The following COL15A1 variants were observed in gnomAD, a reference collection of about 807,000 sequenced individuals.
COL15A1 encodes collagen type XV alpha 1 chain, also known as collagen alpha-1(XV) chain.
Under a neutral mutation model 165.9 loss-of-function variants are expected in COL15A1, and 111 were observed. That is an observed-to-expected ratio of 0.67 (90% CI 0.57 to 0.78). COL15A1 has a LOEUF of 0.78. Among genes scored for constraint, COL15A1 ranks in the 30% least tolerant of loss-of-function variants. The probability of loss-of-function intolerance (pLI) is 0.00; values close to 1 mark genes in which losing one functional copy is unlikely to be tolerated. For synonymous variants in COL15A1, 659 were observed against 674.8 expected (o/e 0.98, Z 0.36); for missense variants, 1,745 against 1,789.7 (o/e 0.98, Z 0.45).
chr9:98,985,922 C>T lies in COL15A1; in HGVS notation c.458C>T (p.Ser153Leu), dbSNP rs374938012. 6.2e-6 allele frequency: 10 copies of T among 1,613,842 alleles called. No homozygotes were observed. The highest frequency in any genetic ancestry group is 1.7e-5 in the Admixed American group (1 of 60,006). ...GTGTCCCAAGAGGCTGCTGCCTTCT[C>T]GGTGCCTGTGATGACCCACAGGTGG... ...SHVSQEAAAF[S>L]VPVMTHRWNR... The change falls in exon 3 of 42, where the codon TCG (serine) becomes TTG (leucine). Residue 153 changes from serine to leucine, a missense_variant. Ser to Leu is a moderately radical substitution (Grantham distance 145, BLOSUM62 -2). Transcript: ENST00000375001.
chr9:99,004,463 A>G (rs1398885775), intron 8 of COL15A1, among the ~76,000 whole-genome samples: 2 of 152,184 alleles, frequency 1.3e-5, no homozygotes, highest in Non-Finnish European at 2.9e-5. Flanking sequence ...TGGAAGCCAG[A>G]TGGCACTGGG....
chr9:99,023,234 G>A, intron 13 of COL15A1, 123 bp from the exon 14 acceptor site: 2 of 1,234,420 alleles, frequency 1.6e-6, no homozygotes, highest in Non-Finnish European at 2.2e-6. Flanking sequence ...AAAACGGGGA[G>A]CAGAAGTTAT....
At chr9:99,067,486 G>A (rs1402181369) in intron 40 of COL15A1, among the ~76,000 whole-genome samples, 1 of 152,144 alleles carries the variant, frequency 6.6e-6, no homozygotes, top group Non-Finnish European at 1.5e-5. Context: ...GGTGTTCTGT[G>A]CCCATTTAAG....
At chr9:99,005,277 G>C (rs1402762033) in intron 9 of COL15A1, among the ~76,000 whole-genome samples, 1 of 152,122 alleles carries the variant, frequency 6.6e-6, no homozygotes, top group Non-Finnish European at 1.5e-5. Flanking sequence ...TGCAGAGGTG[G>C]GGTTTGTCCC....
intron 24 of COL15A1, among the ~76,000 whole-genome samples, chr9:99,042,573 C>T (rs563940992): frequency 6.6e-6 from 1 of 152,338 alleles, no homozygotes; most frequent in South Asian, 2.1e-4. Flanking sequence ...GCTTCTTTTC[C>T]ATAGCTCCAA....
chr9:99,018,592 A>G (rs1838974318), intron 11 of COL15A1, among the ~76,000 whole-genome samples: 1 of 152,252 alleles, frequency 6.6e-6, no homozygotes, highest in African/African-American at 2.4e-5. Flanking sequence ...AGTGTTGTCC[A>G]TAATAGAGAA....
At position 98,987,775 on chromosome 9, in the gene COL15A1, GA is replaced by G. The variant is rs577985344; in HGVS notation, c.723+415del. Among the ~76,000 whole-genome samples the G allele has an allele frequency of 2.4e-4, 36 of 152,082 alleles. 1 individual carries two copies. In the South Asian group the frequency reaches 6.6e-3, roughly 28 times the overall value. On this transcript the variant is annotated intron_variant, in intron 4 of 41. Coordinates refer to ENST00000375001, the MANE Select transcript of COL15A1 (RefSeq NM_001855.5). ...AAGCTGGGGATGGAGTGGTGGGCAG[GA>G]AAAAAAAGATGACTCCTTCTTCCCT...
At chr9:99,049,978 C>T in intron 30 of COL15A1, 83 bp downstream of exon 30, 2 of 1,576,446 alleles carry the variant, frequency 1.3e-6, no homozygotes, top group Non-Finnish European at 1.7e-6. Flanking sequence ...GTCTTGGGCC[C>T]TTTCTATCCT....
chr9:99,039,521 CA>C (rs918099486), intron 22 of COL15A1, among the ~76,000 whole-genome samples: 3 of 151,986 alleles, frequency 2.0e-5, no homozygotes, highest in South Asian at 2.1e-4. Context: ...AACAAACAAA[CA>C]AAAAAAACCA....
At chr9:99,066,750 G>A (rs1171777411) in intron 39 of COL15A1, 132 bp from the exon 40 acceptor site, 4 of 717,036 alleles carry the variant, frequency 5.6e-6, no homozygotes, top group Non-Finnish European at 4.6e-6. Flanking sequence ...GTCAGGGAGG[G>A]ATTGAATAAA....
At chr9:99,055,439 G>T in intron 34 of COL15A1, 67 bp downstream of exon 34, 1 of 949,980 alleles carries the variant, frequency 1.1e-6, no homozygotes, top group South Asian at 1.3e-5. Context: ...CCCCCAATGG[G>T]ACTAGGCAGT....
intron 11 of COL15A1, among the ~76,000 whole-genome samples, chr9:99,019,116 T>A (rs1838985065): frequency 6.6e-6 from 1 of 152,196 alleles, no homozygotes; most frequent in African/African-American, 2.4e-5. Context: ...AATGCCCCGA[T>A]TCCTGAGCAG....
At position 99,015,511 on chromosome 9, in the gene COL15A1, C is replaced by T. The variant is rs1357743561; in HGVS notation, c.1448C>T (p.Thr483Ile). ...GATGAGGAAGCCAGTGGGGTCCCCACAGATGGCCTGGCTCCCCTCACAGCC... is the reference window on the plus strand; with the variant it reads ...GATGAGGAAGCCAGTGGGGTCCCCATAGATGGCCTGGCTCCCCTCACAGCC... ...FEDEEASGVPTDGLAPLTATM... is the reference protein window; with the variant it reads ...FEDEEASGVPIDGLAPLTATM... The change falls in exon 10 of 42, where the codon ACA becomes ATA. Residue 483 changes from threonine to isoleucine, a missense_variant. Thr to Ile is a moderately conservative substitution (Grantham distance 89). Transcript: ENST00000375001. The T allele has an allele frequency of 6.2e-7, 1 of 1,613,736 alleles. No individual in the cohort carries two copies. The highest frequency in any genetic ancestry group is 8.5e-7 in the Non-Finnish European group (1 of 1,179,848).
rs201734908 is a variant in COL15A1 at position 99,024,268 on chromosome 9, G to GTTTTTTTTTTTTTTTTTTTTTTTTTTTTT, written c.1855-598_1855-597insTTTTTTTTTTTTTTTTTTTTTTTTTTTTT. Reference sequence around the variant, plus strand: ...TAAAAACAAGGCTACACCACAAGCAGTTTTTTTTGTTTTTTTGTTTTTTTT... The same window carrying GTTTTTTTTTTTTTTTTTTTTTTTTTTTTT: ...TAAAAACAAGGCTACACCACAAGCAGTTTTTTTTTTTTTTTTTTTTTTTTTTTTTTTTTTTTTGTTTTTTTGTTTTTTTT... On this transcript the variant is annotated intron_variant, in intron 14 of 41. Transcript: ENST00000375001. Among the ~76,000 whole-genome samples the GTTTTTTTTTTTTTTTTTTTTTTTTTTTTT allele has an allele frequency of 3.3e-4, 43 of 131,500 alleles. 3 individuals are homozygous for GTTTTTTTTTTTTTTTTTTTTTTTTTTTTT. Among genetic ancestry groups the GTTTTTTTTTTTTTTTTTTTTTTTTTTTTT allele is most frequent in the South Asian group, 4.9e-4 (2 of 4,116 alleles). 86.3% of individuals were successfully genotyped at this position (131,500 alleles called of 152,430 possible). A position where few individuals can be genotyped will look rare whatever the true frequency, so the allele number is the denominator to read the frequency against.
intron 24 of COL15A1, among the ~76,000 whole-genome samples, chr9:99,044,105 T>C: frequency 6.6e-6 from 1 of 152,184 alleles, no homozygotes; most frequent in East Asian, 1.9e-4. Flanking sequence ...TAAGTATTCT[T>C]GGTGGGAACA....
Position 99,062,213 on chromosome 9 carries a change from T to C in COL15A1, c.3532-32T>C, listed in dbSNP as rs1209430103. 2.5e-6 allele frequency: 4 copies of C among 1,603,230 alleles called. No homozygotes were observed. In the Admixed American group the frequency reaches 6.7e-5, roughly 27 times the overall value. ...TGAAATGGGAGAAGTTTGTAATTGA[T>C]CTTTCATTTCAATGTACTGTTTTTC... On this transcript the variant is annotated intron_variant, in intron 37 of 41. Coordinates refer to ENST00000375001, the MANE Select transcript of COL15A1 (RefSeq NM_001855.5).
chr9:99,042,234 C>G (rs1839418983), intron 24 of COL15A1, 127 bp downstream of exon 24: 1 of 670,576 alleles, frequency 1.5e-6, no homozygotes, highest in African/African-American at 1.8e-5. Context: ...AAAATTCACC[C>G]CTTTAAATTG....
chr9:98,958,914 T>A (rs1240644953), intron 2 of COL15A1, among the ~76,000 whole-genome samples: 1 of 152,032 alleles, frequency 6.6e-6, no homozygotes, highest in African/African-American at 2.4e-5. Flanking sequence ...GGTGGCTGGA[T>A]TGGAAGCCAT....
At chr9:98,966,263 A>G (rs1159469090) in intron 2 of COL15A1, among the ~76,000 whole-genome samples, 1 of 152,182 alleles carries the variant, frequency 6.6e-6, no homozygotes, top group Non-Finnish European at 1.5e-5. Context: ...TCACTTAGAG[A>G]AAGACTTAGA....
Sources: allele counts gnomAD v4.1 joint callset (sites outside exome capture counted in the v4.1 genomes callset), GRCh38; gene constraint gnomAD v4.1.1; transcripts MANE v1.5; gene names NCBI Gene and HGNC (gene_info 2026-07-23, HGNC 2026-07-21).